Variants in SLC35F1 observed in about 807,000 individuals in gnomAD.
The protein encoded by SLC35F1 is solute carrier family 35 member F1.
A neutral mutation model predicts 48.7 loss-of-function variants in SLC35F1; 14 were observed. That is an observed-to-expected ratio of 0.29 (90% CI 0.19 to 0.45). The LOEUF is 0.45. SLC35F1 is among the 20% of genes least tolerant of loss of function. The pLI, the probability that SLC35F1 is intolerant of heterozygous loss-of-function variation, is 1.00. For synonymous variants in SLC35F1, 190 were observed against 202.2 expected (o/e 0.94, Z 0.51); for missense variants, 404 against 500.0 (o/e 0.81, Z 1.83).
At chr6:118,085,944 T>C (rs1314825293) in intron 1 of SLC35F1, among the ~76,000 whole-genome samples, 1 of 152,082 alleles carries the variant, frequency 6.6e-6, no homozygotes, top group African/African-American at 2.4e-5. Context: ...TTCCCCCTTC[T>C]TGAGTTCATG....
At chr6:118,157,131 C>T (rs1484522257) in intron 2 of SLC35F1, among the ~76,000 whole-genome samples, 3 of 152,094 alleles carry the variant, frequency 2.0e-5, no homozygotes, top group Non-Finnish European at 4.4e-5. Flanking sequence ...TACCAAGGCT[C>T]TGACAGCCCA....
chr6:118,052,128 T>C (rs1229726462), intron 1 of SLC35F1, among the ~76,000 whole-genome samples: 1 of 152,092 alleles, frequency 6.6e-6, no homozygotes, highest in Non-Finnish European at 1.5e-5. Context: ...CAGTAGAGAA[T>C]GGCCTTTCAA....
At chr6:118,296,588 C>G (rs1367218630) in intron 7 of SLC35F1, among the ~76,000 whole-genome samples, 1 of 152,130 alleles carries the variant, frequency 6.6e-6, no homozygotes, top group African/African-American at 2.4e-5. Flanking sequence ...GAGGCAAGCC[C>G]AGAATTATAG....
intron 1 of SLC35F1, among the ~76,000 whole-genome samples, chr6:118,041,170 C>T (rs113612279): frequency 2.6e-5 from 4 of 152,006 alleles, no homozygotes; most frequent in African/African-American, 9.7e-5. Flanking sequence ...GCCAAATTGG[C>T]TATTTAAAAA....
Position 118,212,108 on chromosome 6 carries a change from C to T in SLC35F1, c.350-23401C>T, listed in dbSNP as rs1395400966. On this transcript the variant is annotated intron_variant, in intron 2 of 7. Transcript: ENST00000360388. ...TTCAAGGTGCTTCATCTTTCTTTGA[C>T]CAAGAGCTGGGCATGTCATTCAAGC... is the stretch of plus-strand genomic sequence containing the variant. Among the ~76,000 whole-genome samples, 3 of 152,242 alleles carry T rather than the reference C, an allele frequency of 2.0e-5. No individual in the cohort carries two copies. In the South Asian group the frequency reaches 6.2e-4, roughly 32 times the overall value.
chr6:118,297,637 TAAAA>T (rs1198340632), intron 7 of SLC35F1, among the ~76,000 whole-genome samples: 4 of 107,080 alleles, frequency 3.7e-5, no homozygotes, highest in South Asian at 2.9e-4. Flanking sequence ...TATATATATA[TAAAA>T]AATATATATA....
At chr6:118,176,697 T>G (rs913041529) in intron 2 of SLC35F1, among the ~76,000 whole-genome samples, 1 of 152,172 alleles carries the variant, frequency 6.6e-6, no homozygotes, top group African/African-American at 2.4e-5. Context: ...CTAACGTAGC[T>G]AAGCCTTACA....
At chr6:118,181,062 T>C (rs534244021) in intron 2 of SLC35F1, among the ~76,000 whole-genome samples, 1 of 152,130 alleles carries the variant, frequency 6.6e-6, no homozygotes, top group East Asian at 1.9e-4. Context: ...GTAATAAAAT[T>C]ATCCTTTAAA....
chr6:118,215,002 G>A (rs456384), intron 2 of SLC35F1, among the ~76,000 whole-genome samples: 12,537 of 151,982 alleles, frequency 0.082, 567 homozygotes, highest in South Asian at 0.15. Context: ...TGAGCAATCC[G>A]TGTCCCAAGA....
intron 1 of SLC35F1, among the ~76,000 whole-genome samples, chr6:118,115,637 T>C (rs1773467309): frequency 6.6e-6 from 1 of 152,190 alleles, no homozygotes. Context: ...GCTCTGTATA[T>C]GCAGTTCAGT....
chr6:117,967,414 A>G (rs1330078577), intron 1 of SLC35F1, among the ~76,000 whole-genome samples: 1 of 152,226 alleles, frequency 6.6e-6, no homozygotes, highest in Non-Finnish European at 1.5e-5. Context: ...AATCAGCAAA[A>G]AGGTACTAAT....
At chr6:118,214,451 A>G (rs181296287) in intron 2 of SLC35F1, among the ~76,000 whole-genome samples, 32 of 152,310 alleles carry the variant, frequency 2.1e-4, no homozygotes, top group Admixed American at 2.0e-3. Flanking sequence ...TCTCAAAAAA[A>G]TGATTCATTG....
intron 2 of SLC35F1, among the ~76,000 whole-genome samples, chr6:118,159,146 G>A (rs1200337291): frequency 2.0e-5 from 3 of 149,856 alleles, no homozygotes; most frequent in East Asian, 2.0e-4. Flanking sequence ...GCGTGAACCT[G>A]GGAGGCAGAG....
chr6:118,039,072 A>C (rs1487536433), intron 1 of SLC35F1, among the ~76,000 whole-genome samples: 1 of 152,200 alleles, frequency 6.6e-6, no homozygotes, highest in Admixed American at 6.5e-5. Flanking sequence ...AAGATTCCTT[A>C]GAGTTTTGAA....
At chr6:118,268,975 A>G (rs1348637135) in intron 4 of SLC35F1, among the ~76,000 whole-genome samples, 1 of 152,192 alleles carries the variant, frequency 6.6e-6, no homozygotes, top group Non-Finnish European at 1.5e-5. Context: ...GCTAAGCAGA[A>G]GCAAGTACCC....
chr6:118,132,030 A>ATTTACTACTATTTTGTAAATT (rs1274876447), intron 1 of SLC35F1, among the ~76,000 whole-genome samples: 1 of 152,100 alleles, frequency 6.6e-6, no homozygotes, highest in African/African-American at 2.4e-5. Context: ...TTTTGTAAGG[A>ATTTACTACTATTTTGTAAATT]CCTCAAGAAA....
At chr6:117,970,928 T>C (rs1776629691) in intron 1 of SLC35F1, among the ~76,000 whole-genome samples, 1 of 152,192 alleles carries the variant, frequency 6.6e-6, no homozygotes, top group Admixed American at 6.5e-5. Context: ...ATTCTGCTTC[T>C]GCTCCCTCCC....
chr6:118,313,231 C>T (rs1582784188), intron 7 of SLC35F1, among the ~76,000 whole-genome samples: 1 of 152,182 alleles, frequency 6.6e-6, no homozygotes, highest in African/African-American at 2.4e-5. Context: ...CATACTCTTT[C>T]CCCAGTAACT....
chr6:118,272,741 A>G (rs901920605), intron 4 of SLC35F1, among the ~76,000 whole-genome samples: 71 of 93,636 alleles, frequency 7.6e-4, no homozygotes, highest in Middle Eastern at 7.0e-3. Flanking sequence ...GTGTGTGTAT[A>G]TATATATACA....
Sources: allele counts gnomAD v4.1 joint callset (sites outside exome capture counted in the v4.1 genomes callset), GRCh38; gene constraint gnomAD v4.1.1; transcripts MANE v1.5; gene names NCBI Gene and HGNC (gene_info 2026-07-23, HGNC 2026-07-21).